CAMK2D: variants seen among roughly 807,000 people sequenced by gnomAD.
The protein encoded by CAMK2D is calcium/calmodulin-dependent protein kinase type II subunit delta.
In CAMK2D, 37 loss-of-function variants were observed where a neutral mutation model predicts 84.0. That is an observed-to-expected ratio of 0.44 (90% confidence interval 0.34 to 0.58). The LOEUF (loss-of-function observed/expected upper bound fraction) is 0.58. Ranked by LOEUF, CAMK2D falls within the 20% of genes least tolerant of loss-of-function variation. The pLI is 0.02. For synonymous variants in CAMK2D, 202 were observed against 212.5 expected, an observed-to-expected ratio of 0.95 and a Z score of 0.43; for missense variants, 448 against 652.5, an observed-to-expected ratio of 0.69 and a Z score of 3.41.
intron 2 of CAMK2D, among the ~76,000 whole-genome samples, chr4:113,705,848 A>G (rs2099450741): frequency 6.6e-6 from 1 of 152,208 alleles, no homozygotes; most frequent in African/African-American, 2.4e-5. Context: ...TGCAAAGAAG[A>G]AAACCATTCT....
intron 3 of CAMK2D, among the ~76,000 whole-genome samples, chr4:113,615,375 T>G (rs906361633): frequency 6.6e-6 from 1 of 152,112 alleles, no homozygotes; most frequent in African/African-American, 2.4e-5. Flanking sequence ...ATTTTAACAG[T>G]CAAATTACAC....
chr4:113,470,241 C>G (rs767418113), intron 16 of CAMK2D, among the ~76,000 whole-genome samples: 6 of 152,128 alleles, frequency 3.9e-5, no homozygotes, highest in Non-Finnish European at 8.8e-5. Flanking sequence ...ATTCTGCCTC[C>G]TATTACCAGC....
intron 2 of CAMK2D, among the ~76,000 whole-genome samples, chr4:113,680,626 T>C (rs748194005): frequency 5.9e-5 from 9 of 152,176 alleles, no homozygotes; most frequent in Non-Finnish European, 1.3e-4. Flanking sequence ...TAGGGTAAGT[T>C]CCTCTTAGGA....
chr4:113,714,024 T>G (rs1012188782), intron 2 of CAMK2D, among the ~76,000 whole-genome samples: 7 of 152,074 alleles, frequency 4.6e-5, no homozygotes, highest in African/African-American at 1.7e-4. Flanking sequence ...ACAGATACTC[T>G]TCTATAACTT....
At chr4:113,589,711 G>A (rs1288526869) in intron 4 of CAMK2D, among the ~76,000 whole-genome samples, 1 of 152,140 alleles carries the variant, frequency 6.6e-6, no homozygotes, top group Non-Finnish European at 1.5e-5. Flanking sequence ...TAGAGATAGT[G>A]AGTAGGCAAC....
At chr4:113,655,319 G>C (rs2099194296) in intron 3 of CAMK2D, among the ~76,000 whole-genome samples, 1 of 152,052 alleles carries the variant, frequency 6.6e-6, no homozygotes, top group Non-Finnish European at 1.5e-5. Context: ...GTATGAGTGA[G>C]TGTGTTTATG....
At position 113,618,658 on chromosome 4, in the gene CAMK2D, AT is replaced by A. The variant is rs569331141; in HGVS notation, c.221-9453del. On this transcript the variant is annotated intron_variant, in intron 3 of 20. Coordinates refer to ENST00000511664, the MANE Select transcript of CAMK2D (RefSeq NM_001321571.2). ...CAATAACATTTGCCTCTATATATCTATTTTTATGATGAAAGCACTTAAAATA... is the reference window on the plus strand; with the variant it reads ...CAATAACATTTGCCTCTATATATCTATTTTATGATGAAAGCACTTAAAATA... 2.9e-3 allele frequency among the ~76,000 whole-genome samples: 448 copies of A among 152,280 alleles called. 3 individuals carry two copies. Among genetic ancestry groups the A allele is most frequent in the African/African-American group, 9.9e-3 (412 of 41,564 alleles).
rs558074881 is a variant in CAMK2D at position 113,458,497 on chromosome 4, T to C, written c.1307-934A>G. On this transcript the variant is annotated intron_variant, in intron 18 of 20. Transcript: ENST00000511664. ...CCCCATTATGAAGGAATTATATTTA[T>C]GGAACATGATATATAGTGTTATACT... Among the ~76,000 whole-genome samples the C allele has an allele frequency of 3.3e-5, 5 of 152,326 alleles. No individual in the cohort carries two copies. In the South Asian group the frequency reaches 1.0e-3, roughly 32 times the overall value.
intron 2 of CAMK2D, among the ~76,000 whole-genome samples, chr4:113,705,523 A>C (rs1377452934): frequency 6.6e-6 from 1 of 152,160 alleles, no homozygotes; most frequent in African/African-American, 2.4e-5. Flanking sequence ...GCCTTCAAGA[A>C]GGAGACAATG....
chr4:113,498,395 A>G (rs2097973738), intron 16 of CAMK2D, among the ~76,000 whole-genome samples: 1 of 152,206 alleles, frequency 6.6e-6, no homozygotes, highest in Admixed American at 6.5e-5. Context: ...ATTCAATATT[A>G]AAAGGGTTAG....
chr4:113,459,461 G>A (rs1487360578), intron 18 of CAMK2D, among the ~76,000 whole-genome samples: 1 of 151,912 alleles, frequency 6.6e-6, no homozygotes, highest in Non-Finnish European at 1.5e-5. Flanking sequence ...TTAAACTATC[G>A]CTATCCTGCC....
chr4:113,523,705 G>C (rs138044954), intron 8 of CAMK2D, among the ~76,000 whole-genome samples: 1,819 of 152,188 alleles, frequency 0.012, 35 homozygotes, highest in African/African-American at 0.041. Flanking sequence ...CTGGGAGGTG[G>C]AGGTTGCAGT....
At chr4:113,639,413 C>G (rs2099123236) in intron 3 of CAMK2D, among the ~76,000 whole-genome samples, 1 of 151,980 alleles carries the variant, frequency 6.6e-6, no homozygotes, top group Non-Finnish European at 1.5e-5. Context: ...GGCCAAATGG[C>G]TTTTTGTGGG....
intron 2 of CAMK2D, among the ~76,000 whole-genome samples, chr4:113,704,346 T>C (rs2099433936): frequency 1.3e-5 from 2 of 152,112 alleles, no homozygotes; most frequent in South Asian, 2.1e-4. Flanking sequence ...TGGGATATTC[T>C]GGCATATTTT....
At chr4:113,689,831 C>T (rs1044154877) in intron 2 of CAMK2D, among the ~76,000 whole-genome samples, 9 of 152,326 alleles carry the variant, frequency 5.9e-5, no homozygotes, top group African/African-American at 2.2e-4. Flanking sequence ...AATCTGTTCT[C>T]ATGCCCTACC....
chr4:113,638,044 C>T (rs1040922713), intron 3 of CAMK2D, among the ~76,000 whole-genome samples: 4 of 152,212 alleles, frequency 2.6e-5, no homozygotes, highest in Admixed American at 6.5e-5. Context: ...CTCTTAGTGC[C>T]TTCCAATTTG....
chr4:113,680,106 T>C (rs2099337366), intron 2 of CAMK2D, among the ~76,000 whole-genome samples: 1 of 152,206 alleles, frequency 6.6e-6, no homozygotes, highest in South Asian at 2.1e-4. Flanking sequence ...AGGATCTTGC[T>C]ACATTGCCCA....
At chr4:113,559,648 C>T (rs914417132) in intron 4 of CAMK2D, among the ~76,000 whole-genome samples, 2 of 152,234 alleles carry the variant, frequency 1.3e-5, no homozygotes, top group African/African-American at 4.8e-5. Flanking sequence ...AAGGCAACTG[C>T]CTTTGACTGA....
chr4:113,676,442 T>C (rs2099318629), intron 2 of CAMK2D, among the ~76,000 whole-genome samples: 1 of 151,978 alleles, frequency 6.6e-6, no homozygotes, highest in African/African-American at 2.4e-5. Context: ...GGAATACCAG[T>C]CCACTGACTC....
Sources: gnomAD v4.1 joint callset for allele counts (sites outside exome capture counted in the v4.1 genomes callset) on GRCh38, gnomAD v4.1.1 for gene constraint, MANE v1.5 for transcripts, NCBI Gene and HGNC (gene_info 2026-07-23, HGNC 2026-07-21) for gene names.